ATP10B: variants seen among roughly 807,000 people sequenced by gnomAD.
ATP10B encodes ATPase phospholipid transporting 10B (putative), also known as phospholipid-transporting ATPase VB.
In ATP10B, 122 loss-of-function variants were observed where a neutral mutation model predicts 141.2. That is an observed-to-expected ratio of 0.86 (90% CI 0.75 to 1.00). The LOEUF is 1.00. ATP10B is among the 50% of genes least tolerant of loss of function. The pLI is 0.00. For synonymous variants in ATP10B, 685 were observed against 692.0 expected, an observed-to-expected ratio of 0.99 and a Z score of 0.16; for missense variants, 1,876 against 1,825.3, an observed-to-expected ratio of 1.03 and a Z score of -0.51.
chr5:160,725,208 G>A (rs984794734), intron 2 of ATP10B, among the ~76,000 whole-genome samples: 40 of 152,312 alleles, frequency 2.6e-4, no homozygotes, highest in African/African-American at 9.1e-4. Flanking sequence ...TATACTTACA[G>A]GGGAAGAACA....
intron 19 of ATP10B, 115 bp downstream of exon 19, chr5:160,606,650 C>T: frequency 1.9e-6 from 2 of 1,033,506 alleles, no homozygotes; most frequent in Non-Finnish European, 2.8e-6. Flanking sequence ...CCCTCTAAGA[C>T]AATGACTCAC....
intron 1 of ATP10B, among the ~76,000 whole-genome samples, chr5:160,796,917 G>A (rs1771987634): frequency 6.6e-6 from 1 of 152,172 alleles, no homozygotes; most frequent in East Asian, 1.9e-4. Context: ...AGGAATATCA[G>A]GATTTTCTTT....
intron 7 of ATP10B, 114 bp from the exon 8 acceptor site, chr5:160,649,370 TGTCACACTTTGATAG>T: frequency 1.4e-6 from 1 of 734,428 alleles, no homozygotes. Flanking sequence ...ATCCATGCTT[TGTCACACTTTGATAG>T]TTGTAATGTG....
At chr5:160,836,344 C>T (rs1286453568) in intron 1 of ATP10B, among the ~76,000 whole-genome samples, 1 of 151,838 alleles carries the variant, frequency 6.6e-6, no homozygotes, top group Non-Finnish European at 1.5e-5. Context: ...TTTTTTTCAC[C>T]TCCACAGATG....
In ATP10B at chr5:160,743,243, T is replaced by A. The variant is rs557260652; in HGVS notation, c.-330-26209A>T. Among the ~76,000 whole-genome samples, 130 of 152,326 alleles carry A rather than the reference T, an allele frequency of 8.5e-4. 2 individuals are homozygous for A. The highest frequency in any genetic ancestry group is 2.9e-3 in the African/African-American group (120 of 41,564). On this transcript the variant is annotated intron_variant, in intron 2 of 25. Coordinates refer to ENST00000327245, the MANE Select transcript of ATP10B (RefSeq NM_025153.3). ...ATTCAAATATAGGCTGTGGTCTGATTATGCAGTTTCAACTCTTAACCCACA... is the reference window on the plus strand; with the variant it reads ...ATTCAAATATAGGCTGTGGTCTGATAATGCAGTTTCAACTCTTAACCCACA...
the ATP10B span, among the ~76,000 whole-genome samples, chr5:160,914,991 CTAGTT>C: frequency 6.6e-6 from 1 of 152,046 alleles, no homozygotes; most frequent in African/African-American, 2.4e-5. Context: ...AAGGTGGAGA[CTAGTT>C]TAGGGGCTTA....
chr5:160,929,353 C>G, the ATP10B span, among the ~76,000 whole-genome samples: 1 of 152,148 alleles, frequency 6.6e-6, no homozygotes, highest in African/African-American at 2.4e-5. Flanking sequence ...CAAAGGGGAG[C>G]GACTGACAGA....
intron 1 of ATP10B, among the ~76,000 whole-genome samples, chr5:160,831,512 G>T (rs1775080360): frequency 6.6e-6 from 1 of 151,980 alleles, no homozygotes; most frequent in Non-Finnish European, 1.5e-5. Flanking sequence ...AAGAATTTTG[G>T]GAAGGTCAAG....
At chr5:160,846,989 A>G (rs149260606) in intron 1 of ATP10B, among the ~76,000 whole-genome samples, 7 of 152,214 alleles carry the variant, frequency 4.6e-5, no homozygotes, top group African/African-American at 1.4e-4. Context: ...GTAAGTACTC[A>G]GTTAATGTTA....
At chr5:160,900,605 A>C in the ATP10B span, among the ~76,000 whole-genome samples, 185 of 152,310 alleles carry the variant, frequency 1.2e-3, 1 homozygote, top group Middle Eastern at 3.4e-3. Flanking sequence ...TAGGTGAAGT[A>C]TTGTTTATGA....
chr5:160,871,539 G>A, the ATP10B span, among the ~76,000 whole-genome samples: 1 of 151,636 alleles, frequency 6.6e-6, no homozygotes, highest in Non-Finnish European at 1.5e-5. Context: ...TTCCCTCCAA[G>A]TTCCCAAAGT....
chr5:160,802,420 C>T (rs570616002), intron 1 of ATP10B, among the ~76,000 whole-genome samples: 4 of 152,318 alleles, frequency 2.6e-5, no homozygotes, highest in African/African-American at 9.6e-5. Context: ...CCCCAGAGGA[C>T]ATTTGGCAAT....
At chr5:160,735,445 T>C (rs1171349079) in intron 2 of ATP10B, among the ~76,000 whole-genome samples, 1 of 152,044 alleles carries the variant, frequency 6.6e-6, no homozygotes, top group African/African-American at 2.4e-5. Context: ...CAGGAGGATA[T>C]AACAATTGTA....
At chr5:160,822,758 C>T (rs1033213349) in intron 1 of ATP10B, among the ~76,000 whole-genome samples, 8 of 151,402 alleles carry the variant, frequency 5.3e-5, no homozygotes, top group African/African-American at 1.9e-4. Context: ...ATAGGCCAGG[C>T]ATAGAAAGAC....
chr5:160,877,179 A>T, the ATP10B span, among the ~76,000 whole-genome samples: 3 of 152,136 alleles, frequency 2.0e-5, no homozygotes, highest in Non-Finnish European at 4.4e-5. Flanking sequence ...CAAAAAGCTT[A>T]TCCACCATGA....
At chr5:160,780,881 A>G (rs1018890331) in intron 2 of ATP10B, among the ~76,000 whole-genome samples, 1 of 152,218 alleles carries the variant, frequency 6.6e-6, no homozygotes, top group Non-Finnish European at 1.5e-5. Flanking sequence ...TAAAAGTAAT[A>G]GCATGTTTAT....
chr5:160,628,716 T>G (rs1481760554), intron 13 of ATP10B, among the ~76,000 whole-genome samples: 1 of 152,146 alleles, frequency 6.6e-6, no homozygotes, highest in Non-Finnish European at 1.5e-5. Flanking sequence ...TGAAAAACAT[T>G]CTGCAAGTGG....
At chr5:160,732,337 G>T (rs1766806925) in intron 2 of ATP10B, among the ~76,000 whole-genome samples, 1 of 152,156 alleles carries the variant, frequency 6.6e-6, no homozygotes, top group African/African-American at 2.4e-5. Flanking sequence ...GCTTTTGTTG[G>T]TTGTGCTTTT....
chr5:160,652,845 A>G (rs1371741245), intron 7 of ATP10B, among the ~76,000 whole-genome samples: 2 of 94,962 alleles, frequency 2.1e-5, no homozygotes, highest in African/African-American at 8.8e-5. Flanking sequence ...TATATATTAT[A>G]AAAAGATTAT....
Sources: allele counts gnomAD v4.1 joint callset (sites outside exome capture counted in the v4.1 genomes callset), GRCh38; gene constraint gnomAD v4.1.1; transcripts MANE v1.5; gene names NCBI Gene and HGNC (gene_info 2026-07-23, HGNC 2026-07-21).